ERG: variants seen among roughly 807,000 people sequenced by gnomAD.
ERG encodes the protein ETS transcription factor ERG.
ERG carries 9 observed loss-of-function variants against 55.3 expected under a neutral mutation model. The observed-to-expected ratio is 0.16, with a 90% CI of 0.10 to 0.28. ERG has a LOEUF of 0.28. Ranked by LOEUF, ERG falls within the 10% of genes least tolerant of loss-of-function variation. The pLI is 1.00. For missense variants in ERG, 434 were observed against 631.6 expected, an observed-to-expected ratio of 0.69 and a Z score of 3.35; for synonymous variants, 223 against 237.3, an observed-to-expected ratio of 0.94 and a Z score of 0.55.
At chr21:38,468,680 T>C (rs1451274326) in intron 1 of ERG, among the ~76,000 whole-genome samples, 1 of 152,102 alleles carries the variant, frequency 6.6e-6, no homozygotes, top group Non-Finnish European at 1.5e-5. Context: ...GAAAAGACCA[T>C]GCTCACTATG....
chr21:38,386,069 G>A (rs1386398488), intron 9 of ERG, among the ~76,000 whole-genome samples: 1 of 152,212 alleles, frequency 6.6e-6, no homozygotes, highest in Non-Finnish European at 1.5e-5. Context: ...ATAAACGTGT[G>A]TAGGACAGAA....
Position 38,411,080 on chromosome 21 carries a change from G to A in ERG, c.389-7371C>T, listed in dbSNP as rs185961182. On this transcript the variant is annotated intron_variant, in intron 3 of 9. Coordinates refer to ENST00000288319, the MANE Select transcript of ERG (RefSeq NM_182918.4). ...AAGATTTAACATCTTGCATCCTCAG[G>A]AGGACAGAAGTTACATTTATAAAGC... 2.2e-4 allele frequency among the ~76,000 whole-genome samples: 34 copies of A among 152,244 alleles called. 1 individual carries two copies. The East Asian group carries it at 6.0e-3, about 27-fold the overall frequency.
chr21:38,550,285 A>G (rs12482998), intron 2 of ERG, among the ~76,000 whole-genome samples: 107,302 of 152,020 alleles, frequency 0.71, 38,295 homozygotes, highest in Non-Finnish European at 0.76. Context: ...CACTGAGACC[A>G]AGCAGGAGCT....
chr21:38,616,810 C>T (rs755594925), intron 1 of ERG, among the ~76,000 whole-genome samples: 3 of 152,146 alleles, frequency 2.0e-5, no homozygotes, highest in Non-Finnish European at 4.4e-5. Context: ...TAAGATGCCC[C>T]TTCGTCCATG....
At chr21:38,475,976 T>G (rs2059183488) in intron 1 of ERG, among the ~76,000 whole-genome samples, 1 of 152,272 alleles carries the variant, frequency 6.6e-6, no homozygotes, top group Admixed American at 6.5e-5. Context: ...TGAGACAAAC[T>G]AAAGAAAGGA....
intron 1 of ERG, among the ~76,000 whole-genome samples, chr21:38,627,046 A>C (rs2060328963): frequency 6.6e-6 from 1 of 152,208 alleles, no homozygotes; most frequent in Non-Finnish European, 1.5e-5. Flanking sequence ...CAAAACAATG[A>C]AACTATCAAA....
At chr21:38,607,412 C>T (rs2146922356) in intron 1 of ERG, among the ~76,000 whole-genome samples, 1 of 152,302 alleles carries the variant, frequency 6.6e-6, no homozygotes, top group East Asian at 1.9e-4. Context: ...GCAGTCGGAT[C>T]ATGAGGTCAG....
At chr21:38,547,981 T>A (rs952689126) in intron 2 of ERG, among the ~76,000 whole-genome samples, 2 of 152,160 alleles carry the variant, frequency 1.3e-5, no homozygotes, top group African/African-American at 4.8e-5. Flanking sequence ...AGCAGGAAAA[T>A]ATCTGAGATC....
At chr21:38,427,169 G>A (rs13048849) in intron 2 of ERG, among the ~76,000 whole-genome samples, 19,175 of 152,182 alleles carry the variant, frequency 0.13, 1,393 homozygotes, top group South Asian at 0.25. Context: ...GATCACTTGA[G>A]GCTAAGTGTT....
chr21:38,506,790 G>C (rs1568864975), intron 2 of ERG, among the ~76,000 whole-genome samples: 1 of 152,188 alleles, frequency 6.6e-6, no homozygotes, highest in Admixed American at 6.5e-5. Flanking sequence ...TGTCGGGCGG[G>C]GCTGGGTGTG....
chr21:38,414,840 T>G (rs930411813), intron 3 of ERG, among the ~76,000 whole-genome samples: 1 of 152,158 alleles, frequency 6.6e-6, no homozygotes, highest in Middle Eastern at 3.2e-3. Flanking sequence ...GTATATTCAT[T>G]AACACCTACC....
intron 1 of ERG, among the ~76,000 whole-genome samples, chr21:38,487,813 T>G (rs1266599090): frequency 6.6e-6 from 1 of 152,220 alleles, no homozygotes; most frequent in Non-Finnish European, 1.5e-5. Flanking sequence ...ATAGTGTGTC[T>G]TCCAACAAGA....
At chr21:38,386,008 C>T (rs1169093525) in intron 9 of ERG, among the ~76,000 whole-genome samples, 1 of 152,224 alleles carries the variant, frequency 6.6e-6, no homozygotes, top group East Asian at 1.9e-4. Context: ...TTGGAATCTA[C>T]TCAAACCTTG....
chr21:38,564,482 A>T (rs2059910728), intron 2 of ERG, among the ~76,000 whole-genome samples: 1 of 152,192 alleles, frequency 6.6e-6, no homozygotes, highest in Non-Finnish European at 1.5e-5. Flanking sequence ...GGGAACTATC[A>T]TTAAAATATA....
intron 1 of ERG, among the ~76,000 whole-genome samples, chr21:38,488,210 G>A (rs187371403): frequency 6.6e-6 from 1 of 152,278 alleles, no homozygotes; most frequent in African/African-American, 2.4e-5. Context: ...AGCATTTTCT[G>A]ATCGCCAAAG....
At chr21:38,560,247 C>A (rs553334640) in intron 2 of ERG, among the ~76,000 whole-genome samples, 2 of 152,302 alleles carry the variant, frequency 1.3e-5, no homozygotes, top group African/African-American at 2.4e-5. Flanking sequence ...CAGAAGGAAC[C>A]AGCTACATCC....
chr21:38,506,672 T>C (rs953065129), intron 2 of ERG, among the ~76,000 whole-genome samples: 1 of 152,200 alleles, frequency 6.6e-6, no homozygotes, highest in South Asian at 2.1e-4. Flanking sequence ...CCTTTGCTTC[T>C]ACTTAAAAAT....
intron 1 of ERG, among the ~76,000 whole-genome samples, chr21:38,651,181 A>C (rs970704266): frequency 1.3e-5 from 2 of 152,228 alleles, no homozygotes; most frequent in African/African-American, 4.8e-5. Flanking sequence ...GAAATTATAC[A>C]TACATTTTTC....
intron 1 of ERG, among the ~76,000 whole-genome samples, chr21:38,614,996 A>C (rs893587747): frequency 1.4e-4 from 22 of 152,232 alleles, no homozygotes; most frequent in African/African-American, 5.3e-4. Context: ...ATTATTATTA[A>C]GGCAAAGATT....
Sources: gnomAD v4.1 joint callset for allele counts (sites outside exome capture counted in the v4.1 genomes callset) on GRCh38, gnomAD v4.1.1 for gene constraint, MANE v1.5 for transcripts, NCBI Gene and HGNC (gene_info 2026-07-23, HGNC 2026-07-21) for gene names.